ARID5B: variants seen among roughly 807,000 people sequenced by gnomAD.
ARID5B encodes AT-rich interactive domain-containing protein 5B.
Under a neutral mutation model 97.2 loss-of-function variants are expected in ARID5B, and 13 were observed. The ratio of observed to expected loss-of-function variants is 0.13; its 90% confidence interval spans 0.09 to 0.21. ARID5B has a LOEUF of 0.21. Among genes scored for constraint, ARID5B ranks in the 10% least tolerant of loss-of-function variants. ARID5B has a pLI of 1.00. For missense variants in ARID5B, 1,210 were observed against 1,465.3 expected, an observed-to-expected ratio of 0.83 and a Z score of 2.84; for synonymous variants, 556 against 570.3, an observed-to-expected ratio of 0.97 and a Z score of 0.36.
intron 3 of ARID5B, among the ~76,000 whole-genome samples, chr10:61,968,458 CTAATT>C (rs1838578604): frequency 6.9e-6 from 1 of 144,154 alleles, no homozygotes; most frequent in Non-Finnish European, 1.5e-5. Context: ...CCAAATTCGG[CTAATT>C]GATACTTAGG....
Position 61,981,706 on chromosome 10 carries a change from G to A in ARID5B, c.503-18385G>A, listed in dbSNP as rs150817987. 3.3e-3 allele frequency among the ~76,000 whole-genome samples: 507 copies of A among 152,296 alleles called. 1 individual carries two copies. The highest frequency in any genetic ancestry group is 0.011 in the African/African-American group (462 of 41,548). ...TGGACCTTATCTTACCTGTTCAGGTGTGTGAGATCTTCTCAGAGATGGAAC... is the reference window on the plus strand; with the variant it reads ...TGGACCTTATCTTACCTGTTCAGGTATGTGAGATCTTCTCAGAGATGGAAC... On this transcript the variant is annotated intron_variant, in intron 3 of 9. Transcript: ENST00000279873.
intron 1 of ARID5B, 73 bp downstream of exon 1, chr10:61,901,803 C>T: frequency 1.5e-6 from 2 of 1,298,150 alleles, no homozygotes; most frequent in East Asian, 2.3e-5. Context: ...TCACCCACAC[C>T]TCTGCACCCA....
chr10:61,906,352 C>A (rs1334576570), intron 2 of ARID5B, among the ~76,000 whole-genome samples: 1 of 152,180 alleles, frequency 6.6e-6, no homozygotes, highest in Non-Finnish European at 1.5e-5. Context: ...AGAATTGCCA[C>A]ATTCAGCCAC....
chr10:62,075,603 G>A (rs1388042962), intron 8 of ARID5B, among the ~76,000 whole-genome samples: 2 of 152,224 alleles, frequency 1.3e-5, no homozygotes, highest in South Asian at 2.1e-4. Context: ...TCTGATCAGC[G>A]TCCAGGAGCT....
intron 4 of ARID5B, among the ~76,000 whole-genome samples, chr10:62,041,528 G>T (rs1839637638): frequency 6.6e-6 from 1 of 152,070 alleles, no homozygotes; most frequent in South Asian, 2.1e-4. Context: ...TTCCTTTTTG[G>T]ATCTTTTTAA....
At chr10:62,085,650 A>T in intron 8 of ARID5B, 52 bp from the exon 9 acceptor site, 1 of 1,448,742 alleles carries the variant, frequency 6.9e-7, no homozygotes, top group Non-Finnish European at 9.5e-7. Flanking sequence ...CATAGCATTG[A>T]TGCTACTGGA....
intron 3 of ARID5B, among the ~76,000 whole-genome samples, chr10:61,979,092 C>T (rs1838740837): frequency 6.6e-6 from 1 of 152,162 alleles, no homozygotes; most frequent in Non-Finnish European, 1.5e-5. Context: ...ACACAGAGCT[C>T]ATCGGGAGAA....
At chr10:62,023,400 T>A (rs1839380396) in intron 4 of ARID5B, among the ~76,000 whole-genome samples, 1 of 152,222 alleles carries the variant, frequency 6.6e-6, no homozygotes, top group South Asian at 2.1e-4. Context: ...TATTTGCATG[T>A]ATGACACAGA....
intron 3 of ARID5B, among the ~76,000 whole-genome samples, chr10:61,957,958 C>A (rs77856151): frequency 0.036 from 5,538 of 152,222 alleles, 169 homozygotes; most frequent in Middle Eastern, 0.071. Context: ...ACGAAAGGGA[C>A]CCAGTCACTG....
intron 3 of ARID5B, among the ~76,000 whole-genome samples, chr10:61,961,912 T>A (rs937996336): frequency 5.9e-5 from 9 of 152,162 alleles, no homozygotes. Context: ...CACACCTGAA[T>A]AATTTTTTGT....
intron 4 of ARID5B, among the ~76,000 whole-genome samples, chr10:62,001,774 C>T (rs923676181): frequency 6.6e-6 from 1 of 152,200 alleles, no homozygotes; most frequent in Admixed American, 6.5e-5. Flanking sequence ...TCTCACAACT[C>T]TGGCTTATCA....
At chr10:62,008,804 G>A (rs1458110621) in intron 4 of ARID5B, among the ~76,000 whole-genome samples, 1 of 152,190 alleles carries the variant, frequency 6.6e-6, no homozygotes, top group Non-Finnish European at 1.5e-5. Context: ...ATAGTGAACT[G>A]CTCTGTGTTC....
At chr10:61,995,707 T>G (rs1838986837) in intron 3 of ARID5B, among the ~76,000 whole-genome samples, 1 of 152,194 alleles carries the variant, frequency 6.6e-6, no homozygotes, top group African/African-American at 2.4e-5. Context: ...CCAGACTGTT[T>G]TACTCAGTGA....
intron 4 of ARID5B, among the ~76,000 whole-genome samples, chr10:62,033,117 T>A (rs1839518251): frequency 6.6e-6 from 1 of 152,212 alleles, no homozygotes; most frequent in Admixed American, 6.5e-5. Flanking sequence ...GTTCCTGCAA[T>A]GTGCTGAGGC....
chr10:62,049,873 G>T (rs1839762692), intron 4 of ARID5B, among the ~76,000 whole-genome samples: 2 of 152,202 alleles, frequency 1.3e-5, no homozygotes, highest in African/African-American at 4.8e-5. Flanking sequence ...CACTCCTTAA[G>T]TAATAAAAAG....
At chr10:61,996,893 A>ATAT (rs761637934) in intron 3 of ARID5B, among the ~76,000 whole-genome samples, 39 of 147,104 alleles carry the variant, frequency 2.7e-4, no homozygotes, top group African/African-American at 7.3e-4. Flanking sequence ...CTGAAAAAAA[A>ATAT]AAATATATAT....
intron 4 of ARID5B, among the ~76,000 whole-genome samples, chr10:62,030,513 T>A (rs900944713): frequency 5.3e-5 from 8 of 151,872 alleles, no homozygotes; most frequent in Non-Finnish European, 1.2e-4. Flanking sequence ...AGCCTAAGAG[T>A]GAGGATTTGT....
At chr10:61,966,990 G>C (rs73274333) in intron 3 of ARID5B, among the ~76,000 whole-genome samples, 4,600 of 151,912 alleles carry the variant, frequency 0.03, 218 homozygotes, top group African/African-American at 0.1. Context: ...ATATTGGCTC[G>C]TATAGAAATA....
chr10:61,946,532 T>C (rs1352825937), intron 3 of ARID5B, among the ~76,000 whole-genome samples: 1 of 152,190 alleles, frequency 6.6e-6, no homozygotes, highest in Non-Finnish European at 1.5e-5. Flanking sequence ...ACTATTTTTC[T>C]TAACACTGCA....
Sources: allele counts gnomAD v4.1 joint callset (sites outside exome capture counted in the v4.1 genomes callset), GRCh38; gene constraint gnomAD v4.1.1; transcripts MANE v1.5; gene names NCBI Gene and HGNC (gene_info 2026-07-23, HGNC 2026-07-21).